Variants in GNS observed in about 807,000 individuals in gnomAD.
GNS encodes the protein glucosamine (N-acetyl)-6-sulfatase.
In GNS, 40 loss-of-function variants were observed where a neutral mutation model predicts 69.7. The observed-to-expected ratio is 0.57, with a 90% CI of 0.45 to 0.75. The LOEUF (loss-of-function observed/expected upper bound fraction) is 0.75. GNS is among the 30% of genes least tolerant of loss of function. GNS has a pLI of 0.00. For missense variants in GNS, 565 were observed against 685.5 expected (o/e 0.82, Z 1.96); for synonymous variants, 243 against 251.6 (o/e 0.97, Z 0.32).
At chr12:64,733,235 A>G (rs1262610967) in intron 9 of GNS, among the ~76,000 whole-genome samples, 1 of 136,958 alleles carries the variant, frequency 7.3e-6, no homozygotes, top group East Asian at 2.5e-4. Flanking sequence ...GAGGTGGAGG[A>G]TGCAGTGAGC....
intron 2 of GNS, among the ~76,000 whole-genome samples, chr12:64,750,920 A>G (rs968999018): frequency 3.9e-5 from 6 of 152,190 alleles, no homozygotes; most frequent in Admixed American, 2.0e-4. Context: ...AAGAAAAAAA[A>G]GAAAGAAATG....
chr12:64,734,850 C>T (rs1869513047), intron 9 of GNS, among the ~76,000 whole-genome samples: 1 of 152,190 alleles, frequency 6.6e-6, no homozygotes, highest in South Asian at 2.1e-4. Context: ...CGCCTGTAAT[C>T]CCAGCACTTT....
In GNS at chr12:64,744,873, G is replaced by C. The variant is rs1869851264; in HGVS notation, c.560C>G (p.Ser187Cys). ...KNSKYYNYTL[S>C]INGKARKHGE... Reference sequence around the variant, plus strand: ...ATGCTTCCGTGCCTTCCCATTGATAGACAGGGTGTAATTATAATACTTAGA... The same window carrying C: ...ATGCTTCCGTGCCTTCCCATTGATACACAGGGTGTAATTATAATACTTAGA... Residue 187 changes from serine (S) to cysteine (C), a missense_variant, in exon 5 of 14, where the codon TCT becomes TGT. This residue lies in a region of GNS where 384 missense variants were observed against 511.0 expected (regional missense o/e 0.75). Coordinates refer to ENST00000258145, the MANE Select transcript of GNS (RefSeq NM_002076.4). 1 of 1,542,208 alleles carries C rather than the reference G, an allele frequency of 6.5e-7. No homozygotes were observed. Among genetic ancestry groups the C allele is most frequent in the Non-Finnish European group, 9.0e-7 (1 of 1,114,354 alleles).
chr12:64,742,501 T>C (rs540177955), intron 6 of GNS, among the ~76,000 whole-genome samples: 1 of 152,342 alleles, frequency 6.6e-6, no homozygotes, highest in South Asian at 2.1e-4. Context: ...GTGCTCATAG[T>C]CTGTACTGAG....
At chr12:64,717,390 G>A (rs928425160) in intron 13 of GNS, among the ~76,000 whole-genome samples, 5 of 152,144 alleles carry the variant, frequency 3.3e-5, no homozygotes, top group Admixed American at 2.6e-4. Flanking sequence ...TCAGTCTGTC[G>A]CCCAGGCTGG....
chr12:64,758,327 TTTTTTTTTTTTTTG>T (rs1870336074), intron 1 of GNS, among the ~76,000 whole-genome samples: 1 of 125,570 alleles, frequency 8.0e-6, no homozygotes, highest in African/African-American at 2.9e-5. Flanking sequence ...TTTTTTTTTT[TTTTTTTTTTTTTTG>T]GAGACGGAGT....
At position 64,716,359 on chromosome 12, in the gene GNS, G is replaced by A; in HGVS notation, c.*382C>T. On this transcript the variant is annotated 3_prime_UTR_variant, in exon 14 of 14. Coordinates refer to ENST00000258145, the MANE Select transcript of GNS (RefSeq NM_002076.4). ...AGGTCAAGCTTACATATCAAAAGGT[G>A]TGTCTGTGTGTTTGTGTGTGTCCTA... The A allele has an allele frequency of 6.6e-6, 2 of 305,338 alleles. No individual in the cohort carries two copies. Among genetic ancestry groups the A allele is most frequent in the Non-Finnish European group, 1.3e-5 (2 of 154,706 alleles). The allele number at this position is 305,338 out of a possible 1,614,324, so 18.9% of individuals were successfully genotyped here.
intron 1 of GNS, among the ~76,000 whole-genome samples, chr12:64,757,648 A>G (rs1870296428): frequency 6.6e-6 from 1 of 152,222 alleles, no homozygotes; most frequent in Non-Finnish European, 1.5e-5. Flanking sequence ...GCATCAACCT[A>G]AGAAATATAT....
chr12:64,743,377 T>G, intron 5 of GNS, 69 bp from the exon 6 acceptor site: 12 of 1,115,742 alleles, frequency 1.1e-5, no homozygotes, highest in Non-Finnish European at 1.6e-5. Context: ...ATAAATGTCT[T>G]CTGGTGAGCA....
chr12:64,716,913 GAAAC>G lies in GNS; in HGVS notation c.1581-98_1581-95del, dbSNP rs1868879221. On this transcript the variant is annotated intron_variant, in intron 13 of 13. Coordinates refer to ENST00000258145, the MANE Select transcript of GNS (RefSeq NM_002076.4). The stretch of plus-strand genomic sequence containing the variant: ...AAGGATAGCAGGAAGGGGTGTAAAA[GAAAC>G]AAATCACCAGAAGGGACTCTAGTGA... 3 of 819,614 alleles carry G rather than the reference GAAAC, an allele frequency of 3.7e-6. No homozygotes were observed. The East Asian group carries it at 7.4e-5, about 20-fold the overall frequency. 50.8% of individuals were successfully genotyped at this position (819,614 alleles called of 1,614,324 possible).
intron 2 of GNS, among the ~76,000 whole-genome samples, chr12:64,751,134 G>C (rs1471308801): frequency 1.3e-5 from 2 of 152,112 alleles, no homozygotes; most frequent in Non-Finnish European, 2.9e-5. Flanking sequence ...GATCACTTGA[G>C]CTCAGGAGTT....
chr12:64,738,413 G>A (rs1171947709), intron 8 of GNS, among the ~76,000 whole-genome samples: 1 of 152,130 alleles, frequency 6.6e-6, no homozygotes, highest in African/African-American at 2.4e-5. Flanking sequence ...AGTAACAAAA[G>A]AAAAACACAG....
chr12:64,745,801 ATCT>A lies in GNS; in HGVS notation c.460-80_460-78del, dbSNP rs1280367789. On this transcript the variant is annotated intron_variant, in intron 3 of 13. Transcript: ENST00000258145. ...CCAGAAAGAAACAGGAAATTTTACA[ATCT>A]TTTTAGACCAGTGCCTGAAACATAG... The A allele has an allele frequency of 4.4e-6, 4 of 916,452 alleles. No homozygotes were observed. In the African/African-American group the frequency reaches 6.5e-5, roughly 15 times the overall value. The allele number at this position is 916,452 out of a possible 1,614,324, so 56.8% of individuals were successfully genotyped here.
intron 7 of GNS, among the ~76,000 whole-genome samples, chr12:64,739,721 A>C (rs147848928): frequency 2.9e-4 from 44 of 152,348 alleles, no homozygotes; most frequent in African/African-American, 1.0e-3. Context: ...TGTAAAAAAC[A>C]GATTAGAAAA....
rs534896227 is a variant in GNS, at chr12:64,741,491, C to T, written c.793-803G>A. Among the ~76,000 whole-genome samples, 7 of 151,950 alleles carry T rather than the reference C, an allele frequency of 4.6e-5. No homozygotes were observed. The East Asian group carries it at 1.2e-3, about 25-fold the overall frequency. ...AGTAGAGATGGGGTTTCATCATGTT[C>T]GCCAGGCTGGTCTTGAACTCCTGGC... On this transcript the variant is annotated intron_variant, in intron 6 of 13. Coordinates refer to ENST00000258145, the MANE Select transcript of GNS (RefSeq NM_002076.4).
intron 5 of GNS, 30 bp downstream of exon 5, chr12:64,744,779 G>C (rs375168328): frequency 4.9e-5 from 48 of 970,530 alleles, no homozygotes; most frequent in Non-Finnish European, 7.6e-5. Context: ...AACCCTGTAA[G>C]GACAGAGCTA....
chr12:64,727,434 C>A (rs1368766296), intron 10 of GNS, among the ~76,000 whole-genome samples: 5 of 152,040 alleles, frequency 3.3e-5, no homozygotes, highest in African/African-American at 1.2e-4. Context: ...AAGACCCCAT[C>A]TCAAAAACAA....
intron 13 of GNS, 21 bp from the exon 14 acceptor site, chr12:64,716,840 G>A: frequency 6.9e-7 from 1 of 1,459,388 alleles, no homozygotes. Flanking sequence ...AAAACCAAAT[G>A]TAACATTAGC....
chr12:64,758,889 T>C (rs1236507961), intron 1 of GNS, among the ~76,000 whole-genome samples, 196 bp downstream of exon 1: 3 of 152,336 alleles, frequency 2.0e-5, no homozygotes, highest in East Asian at 1.9e-4. Flanking sequence ...GCTGTACGCA[T>C]GTGCCTCAAT....
Sources: allele counts gnomAD v4.1 joint callset (sites outside exome capture counted in the v4.1 genomes callset), GRCh38; gene constraint gnomAD v4.1.1; regional missense constraint gnomAD v4.1.1; transcripts MANE v1.5; gene names NCBI Gene and HGNC (gene_info 2026-07-23, HGNC 2026-07-21).